Variants in CDC6 observed in about 807,000 individuals in gnomAD.
CDC6 encodes the protein DNA replication factor CDC6.
A neutral mutation model predicts 60.2 loss-of-function variants in CDC6; 46 were observed. That is an observed-to-expected ratio of 0.76 (90% CI 0.60 to 0.98). The LOEUF (loss-of-function observed/expected upper bound fraction) is 0.98, where lower values mean the gene tolerates loss of function less well. Among genes scored for constraint, CDC6 ranks in the 50% least tolerant of loss-of-function variants. The probability of loss-of-function intolerance (pLI) is 0.00; values close to 1 mark genes in which losing one functional copy is unlikely to be tolerated. For missense variants in CDC6, 596 were observed against 652.9 expected, an observed-to-expected ratio of 0.91 and a Z score of 0.95; for synonymous variants, 210 against 233.2, an observed-to-expected ratio of 0.90 and a Z score of 0.90.
intron 7 of CDC6, among the ~76,000 whole-genome samples, chr17:40,294,924 C>T (rs1450216448): frequency 6.6e-6 from 1 of 152,054 alleles, no homozygotes; most frequent in African/African-American, 2.4e-5. Flanking sequence ...GGGGTTTCAC[C>T]GTCTTGGCCA....
chr17:40,289,663 T>A, intron 2 of CDC6, 65 bp downstream of exon 2: 1 of 1,284,534 alleles, frequency 7.8e-7, no homozygotes, highest in East Asian at 2.3e-5. Context: ...TGGTAAGATG[T>A]GTGTCCTTTG....
At position 40,304,012 on chromosome 17, in the gene CDC6, G is replaced by A. The variant is rs953672774; in HGVS notation, c.*2011G>A. ...TTGAGTCAGGAACATGGCTTGACTC[G>A]CAGTGGGGCTGCTATGTATCCTCCC... On this transcript the variant is annotated 3_prime_UTR_variant, in exon 12 of 12. Transcript: ENST00000209728. The A allele has an allele frequency of 6.6e-6, 1 of 152,262 alleles. No homozygotes were observed. The highest frequency in any genetic ancestry group is 1.5e-5 in the Non-Finnish European group (1 of 68,064). 9.4% of individuals were successfully genotyped at this position (152,262 alleles called of 1,614,324 possible). A position where few individuals can be genotyped will look rare whatever the true frequency, so the allele number is the denominator to read the frequency against.
Position 40,289,595 on chromosome 17 carries a change from C to A in CDC6, c.175C>A (p.Leu59Met), listed in dbSNP as rs765719149. The change falls in exon 2 of 12, where the codon CTG (leucine) becomes ATG (methionine). Residue 59 changes from leucine to methionine, a missense_variant. Physicochemically the swap from Leu to Met is conservative, Grantham distance 15 (BLOSUM62 2). Transcript: ENST00000209728. ...KALPLSPRKR[L>M]GDDNLCNTPH... ...CCTGCCTCTCAGCCCCAGGAAACGT[C>A]TGGGTAAACCATCCATTATATCACT... The A allele has an allele frequency of 1.2e-6, 2 of 1,612,574 alleles. No individual in the cohort carries two copies. Among genetic ancestry groups the A allele is most frequent in the South Asian group, 1.1e-5 (1 of 91,028 alleles).
At chr17:40,299,136 G>GTT (rs2032900365) in intron 9 of CDC6, among the ~76,000 whole-genome samples, 5 of 101,650 alleles carry the variant, frequency 4.9e-5, no homozygotes, top group African/African-American at 7.5e-5. Flanking sequence ...TAAGGCCATA[G>GTT]TCTTTTTTTT....
chr17:40,291,395 C>G, intron 3 of CDC6, 56 bp downstream of exon 3: 1 of 1,611,094 alleles, frequency 6.2e-7, no homozygotes, highest in Non-Finnish European at 8.5e-7. Flanking sequence ...GCTGATGACT[C>G]CAAATGAAAC....
In CDC6 at chr17:40,303,107, C is replaced by T. The variant is rs1319050600; in HGVS notation, c.*1106C>T. On this transcript the variant is annotated 3_prime_UTR_variant, in exon 12 of 12. Transcript: ENST00000209728. ...TTCCAGTCTTATTAGATAAATTAGT[C>T]CATATGGTTGGTTAATCAAGAGCCT... The T allele has an allele frequency of 6.6e-6, 1 of 152,096 alleles. No individual in the cohort carries two copies. The highest frequency in any genetic ancestry group is 1.5e-5 in the Non-Finnish European group (1 of 68,022). 9.4% of individuals were successfully genotyped at this position (152,096 alleles called of 1,614,324 possible).
chr17:40,290,167 A>G (rs2032731610), intron 2 of CDC6, among the ~76,000 whole-genome samples: 1 of 152,166 alleles, frequency 6.6e-6, no homozygotes, highest in African/African-American at 2.4e-5. Flanking sequence ...AGTTCTGTCA[A>G]TGTTTTAAGT....
chr17:40,294,691 GA>G (rs1054933444), intron 7 of CDC6, among the ~76,000 whole-genome samples, 188 bp downstream of exon 7: 2 of 149,866 alleles, frequency 1.3e-5, no homozygotes, highest in African/African-American at 2.5e-5. Context: ...TCTCAGTGTT[GA>G]AATAAAAGCA....
At chr17:40,301,811 G>A in intron 11 of CDC6, 101 bp from the exon 12 acceptor site, 1 of 931,756 alleles carries the variant, frequency 1.1e-6, no homozygotes, top group Non-Finnish European at 1.7e-6. Context: ...TAACTTGCTT[G>A]CCTTTTGTGA....
intron 2 of CDC6, among the ~76,000 whole-genome samples, chr17:40,290,181 C>T (rs9899406): frequency 0.012 from 1,792 of 152,176 alleles, 41 homozygotes; most frequent in African/African-American, 0.042. Context: ...TTTAAGTTAC[C>T]TTGTAGTTAC....
chr17:40,289,660 A>C (rs1337830718), intron 2 of CDC6, 62 bp downstream of exon 2: 1 of 988,034 alleles, frequency 1.0e-6, no homozygotes, highest in Admixed American at 1.8e-5. Flanking sequence ...TCTTGGTAAG[A>C]TGTGTGTCCT....
In CDC6 at chr17:40,302,023, C is replaced by A; in HGVS notation, c.*22C>A. On this transcript the variant is annotated 3_prime_UTR_variant, in exon 12 of 12. Transcript: ENST00000209728. ...TTAAATTCTTCTCTTACACCCCACC[C>A]GAAAGTATTCAGCTGGCATTTAGAG... The A allele has an allele frequency of 7.6e-7, 1 of 1,315,774 alleles. No homozygotes were observed. The allele number at this position is 1,315,774 out of a possible 1,614,324, so 81.5% of individuals were successfully genotyped here. A position where few individuals can be genotyped will look rare whatever the true frequency, so the allele number is the denominator to read the frequency against.
intron 8 of CDC6, 74 bp from the exon 9 acceptor site, chr17:40,296,629 C>A: frequency 2.4e-6 from 2 of 839,674 alleles, no homozygotes; most frequent in Non-Finnish European, 4.1e-6. Context: ...CATTAATGTG[C>A]CGCTTTTGAG....
At chr17:40,297,735 T>A (rs1377277608) in intron 9 of CDC6, among the ~76,000 whole-genome samples, 1 of 151,956 alleles carries the variant, frequency 6.6e-6, no homozygotes. Context: ...GCCACTGCAC[T>A]GCCAGCCTGG....
At chr17:40,296,556 T>C in intron 8 of CDC6, 147 bp from the exon 9 acceptor site, 1 of 648,154 alleles carries the variant, frequency 1.5e-6, no homozygotes, top group South Asian at 1.8e-5. Context: ...GTAGGATATG[T>C]GTAGGCTAAA....
chr17:40,294,425 ATGTAAGCCACAGC>A lies in CDC6; in HGVS notation c.1009_1021del (p.Lys337Ter), dbSNP rs768541099. The A allele has an allele frequency of 4.3e-6, 7 of 1,611,932 alleles. No individual in the cohort carries two copies. The highest frequency in any genetic ancestry group is 5.9e-6 in the Non-Finnish European group (7 of 1,178,026). On this transcript the variant is annotated frameshift_variant, in exon 7 of 12. Coordinates refer to ENST00000209728, the MANE Select transcript of CDC6 (RefSeq NM_001254.4). LOFTEE classifies it high-confidence loss of function. ...TACCTAGGCTTCAAGCTAGAGAAAA[ATGTAAGCCACAGC>A]TGTTGAACTTCCCACCTTATACCAG...
chr17:40,291,769 G>A (rs1191906325), intron 4 of CDC6, 101 bp downstream of exon 4: 9 of 1,247,980 alleles, frequency 7.2e-6, no homozygotes, highest in African/African-American at 5.9e-5. Flanking sequence ...TTTTTGAGAC[G>A]GAGTCTCGCT....
Position 40,289,509 on chromosome 17 carries a change from G to C in CDC6, c.89G>C (p.Ser30Thr). ...SRALNKAKNS[S>T]DAKLEPTNVQ... The stretch of plus-strand genomic sequence containing the variant: ...GCATTGAACAAAGCTAAAAACTCCA[G>C]TGATGCCAAACTAGAACCAACAAAT... Residue 30 changes from serine to threonine, a missense_variant, in exon 2 of 12, where the codon AGT becomes ACT. Ser to Thr is a moderately conservative substitution (Grantham distance 58). Transcript: ENST00000209728. 1 of 1,613,930 alleles carries C rather than the reference G, an allele frequency of 6.2e-7. No homozygotes were observed.
At position 40,304,288 on chromosome 17, in the gene CDC6, TG is replaced by T. The variant is rs2032972627; in HGVS notation, c.*2290del. 1 of 152,244 alleles carries T rather than the reference TG, an allele frequency of 6.6e-6. No homozygotes were observed. The highest frequency in any genetic ancestry group is 1.5e-5 in the Non-Finnish European group (1 of 68,046). 9.4% of individuals were successfully genotyped at this position (152,244 alleles called of 1,614,324 possible). A position where few individuals can be genotyped will look rare whatever the true frequency, so the allele number is the denominator to read the frequency against. ...CCCTGCTTGGCTTCTGCTGCCCTTG[TG>T]GGAGCAAAAGCTGATATATGTTTGT... On this transcript the variant is annotated 3_prime_UTR_variant, in exon 12 of 12. Transcript: ENST00000209728.
Sources: gnomAD v4.1 joint callset for allele counts (sites outside exome capture counted in the v4.1 genomes callset) on GRCh38, gnomAD v4.1.1 for gene constraint, MANE v1.5 for transcripts, NCBI Gene and HGNC (gene_info 2026-07-23, HGNC 2026-07-21) for gene names.